PARD3: variants seen among roughly 807,000 people sequenced by gnomAD.
PARD3 encodes par-3 family cell polarity regulator.
A neutral mutation model predicts 155.4 loss-of-function variants in PARD3; 75 were observed. The ratio of observed to expected loss-of-function variants is 0.48; its 90% CI spans 0.40 to 0.58. PARD3 has a LOEUF of 0.58. PARD3 is among the 20% of genes least tolerant of loss of function. The pLI, the probability that PARD3 is intolerant of heterozygous loss-of-function variation, is 0.00. For synonymous variants in PARD3, 576 were observed against 610.5 expected (o/e 0.94, Z 0.83); for missense variants, 1,642 against 1,721.7 (o/e 0.95, Z 0.82).
chr10:34,487,220 C>G (rs927819019), intron 3 of PARD3, among the ~76,000 whole-genome samples: 3 of 152,026 alleles, frequency 2.0e-5, no homozygotes, highest in Non-Finnish European at 4.4e-5. Context: ...GTCGGCCGGG[C>G]AGGCATTGCC....
At chr10:34,563,180 T>C (rs1265298932) in intron 2 of PARD3, among the ~76,000 whole-genome samples, 1 of 152,218 alleles carries the variant, frequency 6.6e-6, no homozygotes, top group Non-Finnish European at 1.5e-5. Context: ...TACAACCATA[T>C]TTTGTATCAT....
At chr10:34,803,004 T>A (rs1842958384) in intron 1 of PARD3, among the ~76,000 whole-genome samples, 1 of 147,376 alleles carries the variant, frequency 6.8e-6, no homozygotes, top group Non-Finnish European at 1.5e-5. Flanking sequence ...GGCGGGTGGA[T>A]CACTTGAGGT....
At chr10:34,326,084 G>A (rs1431301890) in intron 19 of PARD3, among the ~76,000 whole-genome samples, 1 of 148,408 alleles carries the variant, frequency 6.7e-6, no homozygotes, top group Non-Finnish European at 1.5e-5. Context: ...CCAAGATTGT[G>A]CCACTGCACT....
In PARD3 at chr10:34,539,477, T is replaced by C. The variant is rs374995156; in HGVS notation, c.223-22318A>G. ...TAAGGTCAGGAGTTTGAGACCAACA[T>C]GGCAAAACCCCCTCTCTACTAAAAA... On this transcript the variant is annotated intron_variant, in intron 2 of 24. Coordinates refer to ENST00000374788, the MANE Select transcript of PARD3 (RefSeq NM_001184785.2). Among the ~76,000 whole-genome samples the C allele has an allele frequency of 2.0e-4, 30 of 152,250 alleles. No individual in the cohort carries two copies. In the South Asian group the frequency reaches 5.4e-3, roughly 27 times the overall value.
At chr10:34,811,346 G>GC (rs1318260182) in intron 1 of PARD3, among the ~76,000 whole-genome samples, 1 of 152,124 alleles carries the variant, frequency 6.6e-6, no homozygotes, top group African/African-American at 2.4e-5. Flanking sequence ...TTCCTGGAAT[G>GC]CCCTCCCTTT....
chr10:34,328,780 TTC>T (rs1387186655), intron 19 of PARD3, among the ~76,000 whole-genome samples: 31 of 152,226 alleles, frequency 2.0e-4, no homozygotes, highest in Admixed American at 3.3e-4. Flanking sequence ...TGAATTCCAC[TTC>T]TGTGTTCATT....
intron 12 of PARD3, among the ~76,000 whole-genome samples, chr10:34,367,604 T>A (rs1037512415): frequency 6.6e-6 from 1 of 152,112 alleles, no homozygotes; most frequent in Non-Finnish European, 1.5e-5. Context: ...CTCGGGAGGC[T>A]AAGGCAGGAG....
intron 2 of PARD3, among the ~76,000 whole-genome samples, chr10:34,571,808 T>G (rs925451974): frequency 3.3e-5 from 5 of 152,210 alleles, no homozygotes; most frequent in Admixed American, 6.5e-5. Flanking sequence ...ATGCAGGTAT[T>G]AATATCTGTA....
intron 2 of PARD3, among the ~76,000 whole-genome samples, chr10:34,640,708 CAAAAAAAAAAAAAAAAAAAAA>C (rs59111039): frequency 8.3e-5 from 2 of 24,020 alleles, no homozygotes; most frequent in Non-Finnish European, 1.6e-4. Context: ...GACTCCATCT[CAAAAAAAAAAAAAAAAAAAAA>C]AAAAAAAGCA....
chr10:34,206,273 T>C (rs1951477294), intron 22 of PARD3, among the ~76,000 whole-genome samples: 1 of 152,214 alleles, frequency 6.6e-6, no homozygotes, highest in Admixed American at 6.5e-5. Flanking sequence ...AGCTATTCAT[T>C]GCACATCTTC....
chr10:34,746,790 T>C (rs1835386552), intron 1 of PARD3, among the ~76,000 whole-genome samples: 1 of 152,202 alleles, frequency 6.6e-6, no homozygotes, highest in Non-Finnish European at 1.5e-5. Context: ...TACTAATAAA[T>C]CAATTGGAAA....
chr10:34,736,337 T>A (rs1176062627), intron 1 of PARD3, among the ~76,000 whole-genome samples: 2 of 144,350 alleles, frequency 1.4e-5, no homozygotes, highest in Non-Finnish European at 3.0e-5. Context: ...GCCCTTTTTT[T>A]TTTTTTTTGG....
chr10:34,201,683 AC>A (rs1951220035), intron 22 of PARD3, among the ~76,000 whole-genome samples: 1 of 152,158 alleles, frequency 6.6e-6, no homozygotes, highest in African/African-American at 2.4e-5. Flanking sequence ...GGAGTTGTTC[AC>A]CCAAAAAAGC....
Position 34,701,595 on chromosome 10 carries a change from G to A in PARD3, c.121-5176C>T, listed in dbSNP as rs111592723. On this transcript the variant is annotated intron_variant, in intron 1 of 24. Transcript: ENST00000374788. ...GGAGAACCAAGAATGTCAGAACACC[G>A]GAACAAGGATGGGAAGGGGCCAGGC... Among the ~76,000 whole-genome samples the A allele has an allele frequency of 1.3e-3, 198 of 152,186 alleles. 2 individuals carry two copies. Among genetic ancestry groups the A allele is most frequent in the African/African-American group, 4.4e-3 (181 of 41,544 alleles).
chr10:34,116,475 G>A (rs562818143), intron 24 of PARD3, among the ~76,000 whole-genome samples: 1 of 152,170 alleles, frequency 6.6e-6, no homozygotes, highest in African/African-American at 2.4e-5. Flanking sequence ...CAAGCTCACG[G>A]AGGTGGTTGC....
At position 34,482,625 on chromosome 10, in the gene PARD3, G is replaced by T. The variant is rs376043195; in HGVS notation, c.404-12362C>A. Among the ~76,000 whole-genome samples, 3 of 151,938 alleles carry T rather than the reference G, an allele frequency of 2.0e-5. No homozygotes were observed. In the South Asian group the frequency reaches 6.2e-4, roughly 32 times the overall value. On this transcript the variant is annotated intron_variant, in intron 3 of 24. Transcript: ENST00000374788. Reference sequence around the variant, plus strand: ...GAAGCCCAGATGAAAATAACTAAAGGTATTTACATACCTGGTACCAGAGAC... The same window carrying T: ...GAAGCCCAGATGAAAATAACTAAAGTTATTTACATACCTGGTACCAGAGAC...
At chr10:34,670,052 T>C (rs776856527) in intron 2 of PARD3, among the ~76,000 whole-genome samples, 7 of 152,228 alleles carry the variant, frequency 4.6e-5, no homozygotes, top group Non-Finnish European at 1.0e-4. Flanking sequence ...GATTCTTTAT[T>C]AGTAACCAGG....
chr10:34,461,012 C>CAGATTTGGCT (rs1459789934), intron 4 of PARD3, among the ~76,000 whole-genome samples: 1 of 152,096 alleles, frequency 6.6e-6, no homozygotes, highest in African/African-American at 2.4e-5. Flanking sequence ...ACCAAGAAAA[C>CAGATTTGGCT]AGATTTGGCT....
intron 7 of PARD3, 114 bp from the exon 8 acceptor site, chr10:34,384,368 T>C (rs1330346225): frequency 1.0e-6 from 1 of 969,100 alleles, no homozygotes; most frequent in African/African-American, 1.6e-5. Context: ...AAGGAGCATG[T>C]TAAAATGACT....
Sources: allele counts gnomAD v4.1 joint callset (sites outside exome capture counted in the v4.1 genomes callset), GRCh38; gene constraint gnomAD v4.1.1; transcripts MANE v1.5; gene names NCBI Gene and HGNC (gene_info 2026-07-23, HGNC 2026-07-21).